The following COLEC11 variants were observed in gnomAD, a reference collection of about 807,000 sequenced individuals.
COLEC11 encodes collectin-11.
A neutral mutation model predicts 27.3 loss-of-function variants in COLEC11; 20 were observed. The ratio of observed to expected loss-of-function variants is 0.73; its 90% confidence interval spans 0.51 to 1.06. The LOEUF is 1.06. Among genes scored for constraint, COLEC11 ranks in the 50% least tolerant of loss-of-function variants. COLEC11 has a pLI of 0.00. For synonymous variants in COLEC11, 163 were observed against 154.7 expected, an observed-to-expected ratio of 1.05 and a Z score of -0.40; for missense variants, 310 against 383.0, an observed-to-expected ratio of 0.81 and a Z score of 1.59.
At chr2:3,610,189 C>G (rs1217883951) in intron 2 of COLEC11, among the ~76,000 whole-genome samples, 1 of 152,238 alleles carries the variant, frequency 6.6e-6, no homozygotes, top group Admixed American at 6.5e-5. Context: ...GGACATGTCA[C>G]TTGATTCTCG....
chr2:3,626,675 C>G (rs1258295656), intron 3 of COLEC11, among the ~76,000 whole-genome samples: 1 of 152,246 alleles, frequency 6.6e-6, no homozygotes, highest in Non-Finnish European at 1.5e-5. Flanking sequence ...GTGGCTGTTT[C>G]CGTCAGCTGT....
chr2:3,624,737 A>G lies in COLEC11; in HGVS notation c.202+11355A>G, dbSNP rs75657207. Among the ~76,000 whole-genome samples, 1,165 of 152,292 alleles carry G rather than the reference A, an allele frequency of 7.6e-3. 13 individuals are homozygous for G. The highest frequency in any genetic ancestry group is 0.027 in the Middle Eastern group (8 of 294). ...TCTAACAGTGTGCTGGAACTTCTCC[A>G]CTGGACTTCCAGACTCCTACAAAGA... is the stretch of plus-strand genomic sequence containing the variant. On this transcript the variant is annotated intron_variant, in intron 3 of 6. Transcript: ENST00000349077.
At chr2:3,630,430 C>G (rs1030278362) in intron 3 of COLEC11, among the ~76,000 whole-genome samples, 9 of 152,202 alleles carry the variant, frequency 5.9e-5, no homozygotes, top group Non-Finnish European at 1.0e-4. Context: ...TTACACCAGC[C>G]ATTTAGTCCA....
chr2:3,635,904 G>A (rs1665375957), intron 3 of COLEC11, among the ~76,000 whole-genome samples: 1 of 152,268 alleles, frequency 6.6e-6, no homozygotes, highest in African/African-American at 2.4e-5. Flanking sequence ...GAGAATGCAT[G>A]TGAACGTGCT....
intron 3 of COLEC11, among the ~76,000 whole-genome samples, chr2:3,630,757 A>C (rs1233906053): frequency 6.6e-6 from 1 of 152,208 alleles, no homozygotes; most frequent in Admixed American, 6.5e-5. Context: ...TAGTAGGTAC[A>C]TGTTATTCTT....
chr2:3,640,427 GA>G, intron 5 of COLEC11, 96 bp downstream of exon 5: 2 of 739,018 alleles, frequency 2.7e-6, no homozygotes, highest in Non-Finnish European at 4.8e-6. Flanking sequence ...TCCCACAGTG[GA>G]CACCCACCCC....
chr2:3,637,400 G>A (rs1309818790), intron 3 of COLEC11, 133 bp from the exon 4 acceptor site: 1 of 740,314 alleles, frequency 1.4e-6, no homozygotes, highest in African/African-American at 1.7e-5. Context: ...ATGTAGAGCT[G>A]TCTTTCTTAG....
intron 3 of COLEC11, among the ~76,000 whole-genome samples, chr2:3,616,089 G>A (rs1275999473): frequency 6.6e-6 from 1 of 151,376 alleles, no homozygotes; most frequent in Non-Finnish European, 1.5e-5. Flanking sequence ...CGGGGTGGCG[G>A]TCGGGCAGAG....
intron 3 of COLEC11, among the ~76,000 whole-genome samples, chr2:3,629,654 A>T (rs1268008246): frequency 6.6e-6 from 1 of 152,136 alleles, no homozygotes; most frequent in Admixed American, 6.5e-5. Flanking sequence ...TGTGAATAGT[A>T]TGTATGTGTA....
chr2:3,642,207 C>G (rs1212572851), intron 5 of COLEC11, among the ~76,000 whole-genome samples: 1 of 152,232 alleles, frequency 6.6e-6, no homozygotes, highest in African/African-American at 2.4e-5. Flanking sequence ...GGCACAGATA[C>G]TCGATTTTGG....
intron 3 of COLEC11, among the ~76,000 whole-genome samples, chr2:3,624,604 G>A (rs1307398365): frequency 6.6e-6 from 1 of 152,208 alleles, no homozygotes; most frequent in Non-Finnish European, 1.5e-5. Flanking sequence ...GCACTGAGCT[G>A]TGTTGCTCAG....
At chr2:3,596,626 T>C (rs551985558) in intron 1 of COLEC11, among the ~76,000 whole-genome samples, 1 of 152,184 alleles carries the variant, frequency 6.6e-6, no homozygotes, top group African/African-American at 2.4e-5. Context: ...CATGAGCCAC[T>C]GGGCCTGGCC....
rs114936371 is a variant in COLEC11 at position 3,636,822 on chromosome 2, G to A, written c.203-711G>A. 6.9e-3 allele frequency among the ~76,000 whole-genome samples: 1,051 copies of A among 152,250 alleles called. 10 individuals are homozygous for A. Among genetic ancestry groups the A allele is most frequent in the Non-Finnish European group, 0.011 (724 of 68,022 alleles). ...GTGACAGCGGCATTCTTCAGGCTTG[G>A]TCCAGTGATCAGAGAGACAATCCCG... On this transcript the variant is annotated intron_variant, in intron 3 of 6. Coordinates refer to ENST00000349077, the MANE Select transcript of COLEC11 (RefSeq NM_024027.5).
chr2:3,601,310 A>AT (rs1232276750), intron 1 of COLEC11, among the ~76,000 whole-genome samples: 4 of 151,666 alleles, frequency 2.6e-5, no homozygotes, highest in Non-Finnish European at 4.4e-5. Flanking sequence ...TATTATTATT[A>AT]TTTTTTTTGA....
intron 2 of COLEC11, 81 bp downstream of exon 2, chr2:3,604,551 A>T: frequency 6.7e-7 from 1 of 1,483,124 alleles, no homozygotes; most frequent in South Asian, 1.1e-5. Flanking sequence ...GCGCAGTTCC[A>T]CGGAAAAGCA....
At chr2:3,631,230 CA>C (rs529421096) in intron 3 of COLEC11, among the ~76,000 whole-genome samples, 19 of 139,690 alleles carry the variant, frequency 1.4e-4, no homozygotes, top group East Asian at 2.1e-4. Flanking sequence ...GACTCTGTAT[CA>C]AAAAAAAAAG....
At chr2:3,614,867 A>G (rs1331805793) in intron 3 of COLEC11, among the ~76,000 whole-genome samples, 2 of 151,940 alleles carry the variant, frequency 1.3e-5, no homozygotes, top group African/African-American at 4.9e-5. Flanking sequence ...TCCAGACACT[A>G]AATATCACAT....
intron 1 of COLEC11, among the ~76,000 whole-genome samples, chr2:3,595,430 G>A (rs1028491893): frequency 3.7e-4 from 56 of 152,348 alleles, no homozygotes; most frequent in African/African-American, 1.3e-3. Flanking sequence ...CTGGATGATG[G>A]AGTCACCCTC....
At chr2:3,615,107 T>C (rs1663553146) in intron 3 of COLEC11, among the ~76,000 whole-genome samples, 1 of 81,484 alleles carries the variant, frequency 1.2e-5, no homozygotes, top group Non-Finnish European at 2.9e-5. Flanking sequence ...ATATTTTCTT[T>C]CTTTTTTTTT....
Sources: gnomAD v4.1 joint callset for allele counts (sites outside exome capture counted in the v4.1 genomes callset) on GRCh38, gnomAD v4.1.1 for gene constraint, MANE v1.5 for transcripts, NCBI Gene and HGNC (gene_info 2026-07-23, HGNC 2026-07-21) for gene names.